Variants in AMZ1 observed in about 807,000 individuals in gnomAD.
AMZ1 encodes archaelysin family metallopeptidase 1.
AMZ1 carries 39 observed loss-of-function variants against 29.9 expected under a neutral mutation model. The observed-to-expected ratio is 1.30, with a 90% CI of 1.01 to 1.70. The LOEUF (loss-of-function observed/expected upper bound fraction) is 1.70, where lower values mean the gene tolerates loss of function less well. Ranked by LOEUF, AMZ1 falls within the 40% of genes most tolerant of loss-of-function variation. The probability of loss-of-function intolerance (pLI) is 0.00; values close to 1 mark genes in which losing one functional copy is unlikely to be tolerated. For synonymous variants in AMZ1, 458 were observed against 304.0 expected (o/e 1.51, Z -5.27); for missense variants, 1,041 against 680.6 (o/e 1.53, Z -5.89).
chr7:2,748,059 G>T (rs1158824481), intron 4 of AMZ1, among the ~76,000 whole-genome samples: 1 of 150,120 alleles, frequency 6.7e-6, no homozygotes, highest in Admixed American at 6.7e-5. Context: ...AGGAAGAATC[G>T]ATATCATGAA....
chr7:2,710,213 C>T (rs1332914463), intron 6 of AMZ1, among the ~76,000 whole-genome samples: 5 of 152,092 alleles, frequency 3.3e-5, no homozygotes, highest in African/African-American at 7.3e-5. Flanking sequence ...AGGCCCCTTG[C>T]GAGGAGGTGG....
At chr7:2,744,410 G>A (rs1790666202) in intron 4 of AMZ1, among the ~76,000 whole-genome samples, 1 of 152,230 alleles carries the variant, frequency 6.6e-6, no homozygotes, top group Non-Finnish European at 1.5e-5. Flanking sequence ...AGCAAACAGG[G>A]TCTGGAGTGG....
chr7:2,688,997 GGA>G (rs1430140711), intron 1 of AMZ1, among the ~76,000 whole-genome samples: 2 of 152,240 alleles, frequency 1.3e-5, no homozygotes, highest in Non-Finnish European at 2.9e-5. Context: ...TCGCAGGTGA[GGA>G]GAGAGAACAG....
In AMZ1 at chr7:2,718,825, G is replaced by A. The variant is rs1298831806; in HGVS notation, c.*5947G>A. Reference sequence around the variant, plus strand: ...CCTCTCCCTGTGCTCTGCCCACCTGGGGTAGGCCTCTGGGAACAGGGGAGT... The same window carrying A: ...CCTCTCCCTGTGCTCTGCCCACCTGAGGTAGGCCTCTGGGAACAGGGGAGT... On this transcript the variant is annotated 3_prime_UTR_variant, in exon 7 of 7. Coordinates refer to ENST00000683327, the MANE Select transcript of AMZ1 (RefSeq NM_001384743.1). Among the ~76,000 whole-genome samples the A allele has an allele frequency of 6.6e-6, 1 of 152,156 alleles. No individual in the cohort carries two copies. Among genetic ancestry groups the A allele is most frequent in the Non-Finnish European group, 1.5e-5 (1 of 68,034 alleles).
At chr7:2,753,161 T>C (rs1051449565) in intron 4 of AMZ1, among the ~76,000 whole-genome samples, 4 of 152,070 alleles carry the variant, frequency 2.6e-5, no homozygotes, top group African/African-American at 9.7e-5. Flanking sequence ...CGGCTTTTTT[T>C]TTTTAAAAAA....
chr7:2,696,736 A>C (rs1787770952), intron 1 of AMZ1, among the ~76,000 whole-genome samples: 1 of 151,816 alleles, frequency 6.6e-6, no homozygotes, highest in Non-Finnish European at 1.5e-5. Context: ...AAATACAAAA[A>C]TTAGCTGGGC....
Position 2,706,239 on chromosome 7 carries a change from G to A in AMZ1, c.473-2349G>A, listed in dbSNP as rs538258429. Among the ~76,000 whole-genome samples the A allele has an allele frequency of 3.3e-5, 5 of 152,240 alleles. No individual in the cohort carries two copies. The South Asian group carries it at 1.0e-3, about 32-fold the overall frequency. The stretch of plus-strand genomic sequence containing the variant: ...GACCCAGGCTCAAGCGCAGTGGTGC[G>A]ATCATAGCTCCCTGCAGCCTTGAAC... On this transcript the variant is annotated intron_variant, in intron 3 of 6. Transcript: ENST00000683327.
At chr7:2,737,558 G>A (rs990789286) in intron 4 of AMZ1, among the ~76,000 whole-genome samples, 2 of 152,028 alleles carry the variant, frequency 1.3e-5, no homozygotes, top group Non-Finnish European at 2.9e-5. Flanking sequence ...CAGAGTGCTG[G>A]GATTACAGGC....
chr7:2,709,666 T>G lies in AMZ1; in HGVS notation c.798T>G (p.Leu266=). The G allele has an allele frequency of 6.2e-7, 1 of 1,610,392 alleles. No homozygotes were observed. The highest frequency in any genetic ancestry group is 8.5e-7 in the Non-Finnish European group (1 of 1,179,490). ...CKVTCHELCH[L]LGLGNCRWLR... is the part of the protein sequence containing the mutation. ...TCACGTGCCACGAGCTCTGCCACCT[T>G]CTGGGCCTGGGGAACTGCCGCTGGC... Residue 266 remains leucine (L), a synonymous_variant, in exon 6 of 7, where the codon CTT becomes CTG. Transcript: ENST00000683327.
upstream of AMZ1, chr7:2,688,120 TGTCCTGCCCGCGGCCCCACACCGGCCCCA>T (rs971251908): frequency 2.7e-4 from 41 of 152,402 alleles, no homozygotes; most frequent in African/African-American, 9.4e-4. Context: ...GTGGCCCTCC[TGTCCTGCCCGCGGCCCCACACCGGCCCCA>T]GTCCCGCCCG....
chr7:2,707,916 TG>T (rs1188972882), intron 3 of AMZ1, among the ~76,000 whole-genome samples: 1 of 141,522 alleles, frequency 7.1e-6, no homozygotes, highest in African/African-American at 3.0e-5. Context: ...CTCTACCTCC[TG>T]GGTTCAAGCA....
In AMZ1 at chr7:2,714,168, G is replaced by C. The variant is rs1788982802; in HGVS notation, c.*1290G>C. The stretch of plus-strand genomic sequence containing the variant: ...GTTCTGACAGCGGAATCCCTTCGGA[G>C]TGACGAGGGCGGGGTCACAGCTCGC... On this transcript the variant is annotated 3_prime_UTR_variant, in exon 7 of 7. Transcript: ENST00000683327. 6.6e-6 allele frequency: 1 copy of C among 152,372 alleles called. No homozygotes were observed. The highest frequency in any genetic ancestry group is 2.1e-4 in the South Asian group (1 of 4,828). 9.4% of individuals were successfully genotyped at this position (152,372 alleles called of 1,614,324 possible).
chr7:2,731,985 G>T lies in AMZ1; in HGVS notation n.550+22169G>T, dbSNP rs925779800. ...TCACCAGTCTGAGGACGAATGCTCA[G>T]AACACTCGTGGGCAGGCCCAGCGCA... is the stretch of plus-strand genomic sequence containing the variant. On this transcript the variant is annotated intron_variant and non_coding_transcript_variant, in intron 4 of 4. Coordinates refer to the AMZ1 transcript ENST00000489665. The surrounding 1 kb of genome is among the most constrained non-coding windows in gnomAD (Gnocchi z 6.0). Among the ~76,000 whole-genome samples the T allele has an allele frequency of 6.6e-5, 10 of 152,304 alleles. No homozygotes were observed. Among genetic ancestry groups the T allele is most frequent in the Non-Finnish European group, 7.4e-5 (5 of 68,020 alleles).
At position 2,748,354 on chromosome 7, in the gene AMZ1, T is replaced by C. The variant is rs1337896510; in HGVS notation, n.551-16358T>C. ...AGAACAGAGCCCTCAGAAATAATGC[T>C]GCATATCTACAACTATCTGATCTTT... is the stretch of plus-strand genomic sequence containing the variant. On this transcript the variant is annotated intron_variant and non_coding_transcript_variant, in intron 4 of 4. Transcript: ENST00000489665. Among the ~76,000 whole-genome samples the C allele has an allele frequency of 3.3e-5, 5 of 152,184 alleles. No homozygotes were observed. In the East Asian group the frequency reaches 9.6e-4, roughly 29 times the overall value.
downstream of AMZ1, among the ~76,000 whole-genome samples, chr7:2,724,211 G>A (rs541933936): frequency 3.9e-5 from 6 of 152,272 alleles, no homozygotes; most frequent in Non-Finnish European, 8.8e-5. Context: ...GAGCCACTGC[G>A]CCCGGCCACT....
chr7:2,736,783 GCAGGCACTGCAGCAGCCT>G (rs1790203099), intron 4 of AMZ1, among the ~76,000 whole-genome samples: 1 of 152,214 alleles, frequency 6.6e-6, no homozygotes, highest in Admixed American at 6.5e-5. Context: ...GCACCGTCAG[GCAGGCACTGCAGCAGCCT>G]CGCCCGTCAC....
In AMZ1 at chr7:2,749,735, G is replaced by C. The variant is rs148040505; in HGVS notation, n.551-14977G>C. ...TAGTGGAAAACAAATGGAAATTTTA[G>C]AACTAAAACACACAACATCTGAAAT... is the stretch of plus-strand genomic sequence containing the variant. On this transcript the variant is annotated intron_variant and non_coding_transcript_variant, in intron 4 of 4. Transcript: ENST00000489665. 1.6e-4 allele frequency among the ~76,000 whole-genome samples: 24 copies of C among 152,078 alleles called. No individual in the cohort carries two copies. The East Asian group carries it at 4.4e-3, about 28-fold the overall frequency.
intron 4 of AMZ1, among the ~76,000 whole-genome samples, chr7:2,754,240 G>C (rs928921886): frequency 1.3e-5 from 2 of 152,194 alleles, no homozygotes; most frequent in African/African-American, 4.8e-5. Context: ...TGGCTGGAGA[G>C]GCTGGATGTC....
At chr7:2,736,908 G>A (rs78202748) in intron 4 of AMZ1, among the ~76,000 whole-genome samples, 81 of 152,330 alleles carry the variant, frequency 5.3e-4, no homozygotes, top group African/African-American at 1.8e-3. Flanking sequence ...AAGAGCTTCA[G>A]ATCATTCAAC....
Sources: gnomAD v4.1 joint callset for allele counts (sites outside exome capture counted in the v4.1 genomes callset) on GRCh38, gnomAD v4.1.1 for gene constraint, Gnocchi (gnomAD v3.1) non-coding constraint, MANE v1.5 for transcripts, NCBI Gene and HGNC (gene_info 2026-07-23, HGNC 2026-07-21) for gene names.